Variants in RALGAPB observed in about 807,000 individuals in gnomAD.
RALGAPB encodes the protein ral GTPase-activating protein subunit beta.
A neutral mutation model predicts 161.1 loss-of-function variants in RALGAPB; 25 were observed. The observed-to-expected ratio is 0.16, with a 90% confidence interval of 0.11 to 0.22. The LOEUF is 0.22. Among genes scored for constraint, RALGAPB ranks in the 10% least tolerant of loss-of-function variants. The probability of loss-of-function intolerance (pLI) is 1.00; values close to 1 mark genes in which losing one functional copy is unlikely to be tolerated. For synonymous variants in RALGAPB, 629 were observed against 626.1 expected (o/e 1.00, Z -0.07); for missense variants, 1,391 against 1,815.2 (o/e 0.77, Z 4.25).
At chr20:38,510,066 AAT>A (rs1426319150) in intron 6 of RALGAPB, among the ~76,000 whole-genome samples, 2 of 151,790 alleles carry the variant, frequency 1.3e-5, no homozygotes, top group African/African-American at 4.8e-5. Flanking sequence ...TTTCCTTTGT[AAT>A]AGTAAGTTCT....
intron 6 of RALGAPB, among the ~76,000 whole-genome samples, chr20:38,512,517 C>CATGATGTTTTA (rs2123051424): frequency 6.6e-6 from 1 of 152,320 alleles, no homozygotes; most frequent in Admixed American, 6.5e-5. Flanking sequence ...CGGCATGATG[C>CATGATGTTTTA]CTAGTGCATG....
Position 38,490,803 on chromosome 20 carries a change from C to T in RALGAPB, c.187-2127C>T, listed in dbSNP as rs151318709. ...GGGATTACAGGTGTGAGCCACTGCA[C>T]CCGGCCAATTTTTGTATTTTTGGCA... On this transcript the variant is annotated intron_variant, in intron 2 of 29. Coordinates refer to ENST00000262879, the MANE Select transcript of RALGAPB (RefSeq NM_020336.4). 5.0e-3 allele frequency among the ~76,000 whole-genome samples: 760 copies of T among 152,180 alleles called. 6 individuals are homozygous for T. The highest frequency in any genetic ancestry group is 0.017 in the African/African-American group (724 of 41,500).
rs747599014 is a variant in RALGAPB, at chr20:38,562,733, T to C, written c.3697+36T>C. The C allele has an allele frequency of 1.9e-6, 3 of 1,559,198 alleles. No homozygotes were observed. In the South Asian group the frequency reaches 3.6e-5, roughly 19 times the overall value. The stretch of plus-strand genomic sequence containing the variant: ...CAGTGTTTCAAATGTCAGTTGTTTC[T>C]TGTTTGTTAGTCTTGTTTTTTTTTT... On this transcript the variant is annotated intron_variant, in intron 24 of 29. Transcript: ENST00000262879.
At position 38,535,280 on chromosome 20, in the gene RALGAPB, C is replaced by T. The variant is rs1047005724; in HGVS notation, c.2379+73C>T. 2.3e-5 allele frequency: 34 copies of T among 1,505,222 alleles called. No individual in the cohort carries two copies. The Admixed American group carries it at 6.1e-4, about 27-fold the overall frequency. The allele number at this position is 1,505,222 out of a possible 1,614,324, so 93.2% of individuals were successfully genotyped here. A position where few individuals can be genotyped will look rare whatever the true frequency, so the allele number is the denominator to read the frequency against. ...GCTGTTTTTTCTGTATCTCTTAACC[C>T]CTTGTGTGGGTATTTTAGTGTTGAT... On this transcript the variant is annotated intron_variant, in intron 16 of 29. Coordinates refer to ENST00000262879, the MANE Select transcript of RALGAPB (RefSeq NM_020336.4).
At chr20:38,534,138 CA>C (rs1293283790) in intron 15 of RALGAPB, among the ~76,000 whole-genome samples, 973 of 46,942 alleles carry the variant, frequency 0.021, 8 homozygotes, top group African/African-American at 0.06. Context: ...GACTCCATCT[CA>C]AAAAAAAAAA....
At chr20:38,536,579 A>G (rs907553851) in intron 16 of RALGAPB, among the ~76,000 whole-genome samples, 2 of 152,188 alleles carry the variant, frequency 1.3e-5, no homozygotes, top group African/African-American at 2.4e-5. Context: ...ATCATTTTAC[A>G]TTCCCAGTGT....
At chr20:38,559,484 C>T (rs185315012) in intron 23 of RALGAPB, among the ~76,000 whole-genome samples, 8 of 152,314 alleles carry the variant, frequency 5.3e-5, no homozygotes, top group Non-Finnish European at 1.0e-4. Flanking sequence ...CACCCAAGGT[C>T]AGGAGTTCAA....
chr20:38,488,765 T>C (rs925964854), intron 2 of RALGAPB, 147 bp downstream of exon 2: 1 of 756,862 alleles, frequency 1.3e-6, no homozygotes, highest in Non-Finnish European at 2.1e-6. Flanking sequence ...CTCCCCAACG[T>C]AGTATGACTT....
chr20:38,511,668 G>A (rs1240586553), intron 6 of RALGAPB, among the ~76,000 whole-genome samples: 2 of 152,196 alleles, frequency 1.3e-5, no homozygotes, highest in East Asian at 1.9e-4. Flanking sequence ...TAAATTAACA[G>A]CATCCCAAGG....
chr20:38,541,022 C>T lies in RALGAPB; in HGVS notation c.2563-19C>T. ...AGAAAGGTGTGTTCTAAAAATTGAT[C>T]TGCCTTTCCTGCTTTTAGGACTGCC... On this transcript the variant is annotated intron_variant, in intron 17 of 29. Coordinates refer to ENST00000262879, the MANE Select transcript of RALGAPB (RefSeq NM_020336.4). The T allele has an allele frequency of 6.2e-7, 1 of 1,609,178 alleles. No homozygotes were observed. The highest frequency in any genetic ancestry group is 8.5e-7 in the Non-Finnish European group (1 of 1,176,780).
At chr20:38,570,122 T>C (rs2088177864) in intron 27 of RALGAPB, 126 bp downstream of exon 27, 2 of 699,424 alleles carry the variant, frequency 2.9e-6, no homozygotes, top group South Asian at 1.9e-5. Flanking sequence ...TCAGCAAGCC[T>C]TGGTTTGTAC....
chr20:38,473,444 C>T (rs1439587514), intron 1 of RALGAPB, among the ~76,000 whole-genome samples: 1 of 152,144 alleles, frequency 6.6e-6, no homozygotes, highest in Middle Eastern at 3.2e-3. Context: ...ACGATGCTGC[C>T]CATTGCACAG....
chr20:38,480,385 C>CT lies in RALGAPB; in HGVS notation c.-31+7335dup, dbSNP rs71189925. Reference sequence around the variant, plus strand: ...TTTATGTATTTTCTTTTCTTTCTTTCTTTTTTTTTTTTTTTTTTTGAGATG... The same window carrying CT: ...TTTATGTATTTTCTTTTCTTTCTTTCTTTTTTTTTTTTTTTTTTTTGAGATG... On this transcript the variant is annotated intron_variant, in intron 1 of 29. Coordinates refer to ENST00000262879, the MANE Select transcript of RALGAPB (RefSeq NM_020336.4). Among the ~76,000 whole-genome samples the CT allele has an allele frequency of 2.8e-3, 361 of 128,718 alleles. 1 individual carries two copies. The highest frequency in any genetic ancestry group is 5.1e-3 in the African/African-American group (163 of 32,184). The allele number at this position is 128,718 out of a possible 152,430, so 84.4% of individuals were successfully genotyped here. A position where few individuals can be genotyped will look rare whatever the true frequency, so the allele number is the denominator to read the frequency against.
chr20:38,552,553 G>A (rs1490053168), intron 21 of RALGAPB, among the ~76,000 whole-genome samples: 1 of 152,192 alleles, frequency 6.6e-6, no homozygotes, highest in Non-Finnish European at 1.5e-5. Context: ...GGCTAACACT[G>A]TAAGATGGGC....
rs1403810269 is a variant in RALGAPB at position 38,493,085 on chromosome 20, A to G, written c.342A>G (p.Gln114=). Residue 114 remains glutamine (Q), a synonymous_variant, in exon 3 of 30, where the codon CAA becomes CAG. Coordinates refer to ENST00000262879, the MANE Select transcript of RALGAPB (RefSeq NM_020336.4). The part of the protein sequence containing the change: ...IPLPVIKEPN[Q]YVQTILKHLQ... ...TGCCAGTTATTAAAGAGCCTAATCA[A>G]TATGTTCAAACTATACTAAAACACC... The G allele has an allele frequency of 4.3e-6, 7 of 1,611,820 alleles. No homozygotes were observed. In the South Asian group the frequency reaches 5.5e-5, roughly 13 times the overall value.
intron 2 of RALGAPB, 76 bp downstream of exon 2, chr20:38,488,694 T>C: frequency 7.1e-7 from 1 of 1,405,332 alleles, no homozygotes; most frequent in East Asian, 2.3e-5. Flanking sequence ...ATGTTAACTT[T>C]TTTGTTCTTT....
At chr20:38,499,051 A>T (rs1337663917) in intron 4 of RALGAPB, among the ~76,000 whole-genome samples, 1 of 152,200 alleles carries the variant, frequency 6.6e-6, no homozygotes, top group Non-Finnish European at 1.5e-5. Context: ...ACAGATACCT[A>T]CCCTGCAGAA....
intron 18 of RALGAPB, 85 bp downstream of exon 18, chr20:38,541,277 G>C: frequency 7.5e-7 from 1 of 1,335,182 alleles, no homozygotes; most frequent in Non-Finnish European, 1.0e-6. Context: ...CTTCCTGATT[G>C]TTCAGCATTG....
chr20:38,539,869 C>T lies in RALGAPB; in HGVS notation c.2473C>T (p.His825Tyr). ...TCAGTGTAGTCGGCCAGCTCCTTTA[C>T]ACTCCAGGGATCTGCACTCCATGAT... ...VYQCSRPAPL[H>Y]SRDLHSMIVA... is the part of the protein sequence containing the mutation. Residue 825 changes from histidine (H) to tyrosine (Y), a missense_variant, in exon 17 of 30, where the codon CAC becomes TAC. By Grantham distance (83) the His-to-Tyr change is moderately conservative. This residue lies in a region of RALGAPB where 946 missense variants were observed against 1,257.2 expected (regional missense o/e 0.75). Coordinates refer to ENST00000262879, the MANE Select transcript of RALGAPB (RefSeq NM_020336.4). The T allele has an allele frequency of 6.2e-7, 1 of 1,614,106 alleles. No homozygotes were observed.
Sources: allele counts gnomAD v4.1 joint callset (sites outside exome capture counted in the v4.1 genomes callset), GRCh38; gene constraint gnomAD v4.1.1; regional missense constraint gnomAD v4.1.1; transcripts MANE v1.5; gene names NCBI Gene and HGNC (gene_info 2026-07-23, HGNC 2026-07-21).